Variants in SEC22B observed in about 807,000 individuals in gnomAD.
SEC22B encodes the protein vesicle-trafficking protein SEC22b.
Under a neutral mutation model 31.4 loss-of-function variants are expected in SEC22B, and 10 were observed. The ratio of observed to expected loss-of-function variants is 0.32; its 90% CI spans 0.20 to 0.54. SEC22B has a LOEUF of 0.54. SEC22B is among the 20% of genes least tolerant of loss of function. The pLI, the probability that SEC22B is intolerant of heterozygous loss-of-function variation, is 0.94. For synonymous variants in SEC22B, 60 were observed against 95.9 expected (o/e 0.63, Z 2.19); for missense variants, 130 against 263.4 (o/e 0.49, Z 3.50).
intron 2 of SEC22B, among the ~76,000 whole-genome samples, chr1:120,164,947 C>A (rs1350027268): frequency 6.6e-6 from 1 of 152,128 alleles, no homozygotes. Flanking sequence ...TTAATAATAG[C>A]CCTGTGACTG....
At position 120,152,523 on chromosome 1, in the gene SEC22B, C is replaced by T. The variant is rs1657561286; in HGVS notation, c.*4515G>A. 6.7e-6 allele frequency: 1 copy of T among 148,674 alleles called. No homozygotes were observed. Among genetic ancestry groups the T allele is most frequent in the African/African-American group, 2.5e-5 (1 of 39,784 alleles). The allele number at this position is 148,674 out of a possible 1,614,324, so 9.2% of individuals were successfully genotyped here. The stretch of plus-strand genomic sequence containing the variant: ...AAAACAGGAATTTTTTTTTTAAGGG[C>T]TAAAATTTTAGTGAATCAGATGTGG... On this transcript the variant is annotated 3_prime_UTR_variant, in exon 5 of 5. Transcript: ENST00000578049.
chr1:120,160,114 A>G (rs1400351253), intron 4 of SEC22B, among the ~76,000 whole-genome samples: 2 of 148,398 alleles, frequency 1.3e-5, no homozygotes, highest in African/African-American at 5.2e-5. Context: ...AATTTATACA[A>G]GTTATATAAT....
chr1:120,170,408 G>A (rs1212709355), intron 1 of SEC22B, among the ~76,000 whole-genome samples: 1 of 141,828 alleles, frequency 7.1e-6, no homozygotes, highest in East Asian at 2.0e-4. Context: ...ATAAAAACAA[G>A]GAAGCAACAA....
rs1456297794 is a variant in SEC22B, at chr1:120,156,292, G to C, written c.*746C>G. On this transcript the variant is annotated 3_prime_UTR_variant, in exon 5 of 5. Transcript: ENST00000578049. ...ACAAACCAAATGCTGCAAAATAAAA[G>C]TAATAATGACCCAAACTAATTTAAG... The C allele has an allele frequency of 2.6e-5, 4 of 151,994 alleles. No homozygotes were observed. Among genetic ancestry groups the C allele is most frequent in the African/African-American group, 7.3e-5 (3 of 41,352 alleles). The allele number at this position is 151,994 out of a possible 1,614,324, so 9.4% of individuals were successfully genotyped here. A position where few individuals can be genotyped will look rare whatever the true frequency, so the allele number is the denominator to read the frequency against.
chr1:120,171,980 C>T (rs1384666855), intron 1 of SEC22B, among the ~76,000 whole-genome samples: 10 of 148,716 alleles, frequency 6.7e-5, no homozygotes, highest in African/African-American at 1.0e-4. Flanking sequence ...TGGGGGTTCA[C>T]GCCTGTAATC....
intron 2 of SEC22B, among the ~76,000 whole-genome samples, chr1:120,167,134 G>T (rs1383721118): frequency 3.9e-4 from 59 of 150,148 alleles, no homozygotes; most frequent in Non-Finnish European, 5.2e-4. Context: ...TGAGTTAACT[G>T]GTCTCTTTGC....
chr1:120,159,151 G>A (rs1404096766), intron 4 of SEC22B: 5 of 151,602 alleles, frequency 3.3e-5, no homozygotes, highest in African/African-American at 4.9e-5. Context: ...TAAAGGGCTG[G>A]GTGTTGTGGC....
At chr1:120,164,516 A>G (rs1377931701) in intron 2 of SEC22B, among the ~76,000 whole-genome samples, 1 of 150,928 alleles carries the variant, frequency 6.6e-6, no homozygotes, top group Non-Finnish European at 1.5e-5. Context: ...ATGAGAATAT[A>G]CAGTATTTAG....
chr1:120,176,211 T>C, intron 1 of SEC22B, 96 bp downstream of exon 1: 1 of 1,192,610 alleles, frequency 8.4e-7, no homozygotes. Flanking sequence ...GCCCGGGAAG[T>C]CACAAAGGTC....
chr1:120,166,711 T>C (rs1359229377), intron 2 of SEC22B, among the ~76,000 whole-genome samples: 1 of 149,782 alleles, frequency 6.7e-6, no homozygotes, highest in Non-Finnish European at 1.5e-5. Flanking sequence ...GAATGAGTTC[T>C]GGTGTTCTGC....
At chr1:120,172,078 T>C (rs1249548129) in intron 1 of SEC22B, among the ~76,000 whole-genome samples, 3 of 108,546 alleles carry the variant, frequency 2.8e-5, no homozygotes, top group East Asian at 2.6e-4. Flanking sequence ...CCATCTCAAC[T>C]AAAAATACAA....
chr1:120,169,257 C>T (rs2101131502), intron 1 of SEC22B, among the ~76,000 whole-genome samples: 1 of 152,312 alleles, frequency 6.6e-6, no homozygotes, highest in African/African-American at 2.4e-5. Flanking sequence ...TAACCCATTT[C>T]ATTTGCAGTT....
At chr1:120,161,738 C>T (rs1455154635) in intron 3 of SEC22B, among the ~76,000 whole-genome samples, 11 of 151,948 alleles carry the variant, frequency 7.2e-5, no homozygotes, top group African/African-American at 2.7e-4. Flanking sequence ...AAGTCTCATC[C>T]ATCTTTTGCT....
rs1394127334 is a variant in SEC22B at position 120,152,534 on chromosome 1, G to A, written c.*4504C>T. The stretch of plus-strand genomic sequence containing the variant: ...TTTTTTTTTAAGGGCTAAAATTTTA[G>A]TGAATCAGATGTGGAAAACAGTTGG... On this transcript the variant is annotated 3_prime_UTR_variant, in exon 5 of 5. Coordinates refer to ENST00000578049, the MANE Select transcript of SEC22B (RefSeq NM_004892.6). 2 of 151,158 alleles carry A rather than the reference G, an allele frequency of 1.3e-5. No individual in the cohort carries two copies. The highest frequency in any genetic ancestry group is 2.4e-5 in the African/African-American group (1 of 40,882). The allele number at this position is 151,158 out of a possible 1,614,324, so 9.4% of individuals were successfully genotyped here.
At chr1:120,171,981 G>A (rs1366440672) in intron 1 of SEC22B, among the ~76,000 whole-genome samples, 2 of 148,518 alleles carry the variant, frequency 1.3e-5, no homozygotes, top group Admixed American at 6.7e-5. Context: ...GGGGGTTCAC[G>A]CCTGTAATCC....
In SEC22B at chr1:120,157,006, G is replaced by A. The variant is rs1248141280; in HGVS notation, c.*32C>T. The A allele has an allele frequency of 6.3e-6, 6 of 958,428 alleles. No homozygotes were observed. The African/African-American group carries it at 6.6e-5, about 11-fold the overall frequency. 59.4% of individuals were successfully genotyped at this position (958,428 alleles called of 1,614,324 possible). On this transcript the variant is annotated 3_prime_UTR_variant, in exon 5 of 5. Transcript: ENST00000578049. ...AAAATATACACCTACTGGGTTCTAG[G>A]TTCTCCCTTACCAGTGACTGTATTC...
chr1:120,161,175 G>A (rs1332506104), intron 3 of SEC22B, among the ~76,000 whole-genome samples: 2 of 152,016 alleles, frequency 1.3e-5, no homozygotes, highest in African/African-American at 2.4e-5. Flanking sequence ...AGTATTCTGA[G>A]GACCCTTAGG....
rs1431584856 is a variant in SEC22B at position 120,153,054 on chromosome 1, T to G, written c.*3984A>C. 6 of 151,160 alleles carry G rather than the reference T, an allele frequency of 4.0e-5. No homozygotes were observed. Among genetic ancestry groups the G allele is most frequent in the African/African-American group, 1.5e-4 (6 of 40,614 alleles). The allele number at this position is 151,160 out of a possible 1,614,324, so 9.4% of individuals were successfully genotyped here. ...TGACTTTTCTAATCCAAACATGAAT[T>G]GTTACAGTACTTGAAATAAACTTTA... On this transcript the variant is annotated 3_prime_UTR_variant, in exon 5 of 5. Transcript: ENST00000578049.
In SEC22B at chr1:120,152,938, A is replaced by T. The variant is rs1657568544; in HGVS notation, c.*4100T>A. ...GAAACTCCTCATAACCATTGTAATAATACCAGCAAAATGCCTTACACTTAC... is the reference window on the plus strand; with the variant it reads ...GAAACTCCTCATAACCATTGTAATATTACCAGCAAAATGCCTTACACTTAC... On this transcript the variant is annotated 3_prime_UTR_variant, in exon 5 of 5. Transcript: ENST00000578049. The T allele has an allele frequency of 6.7e-6, 1 of 150,054 alleles. No individual in the cohort carries two copies. Among genetic ancestry groups the T allele is most frequent in the Non-Finnish European group, 1.5e-5 (1 of 67,944 alleles). 9.3% of individuals were successfully genotyped at this position (150,054 alleles called of 1,614,324 possible).
Sources: gnomAD v4.1 joint callset for allele counts (sites outside exome capture counted in the v4.1 genomes callset) on GRCh38, gnomAD v4.1.1 for gene constraint, MANE v1.5 for transcripts, NCBI Gene and HGNC (gene_info 2026-07-23, HGNC 2026-07-21) for gene names.